JARID2: variants seen among roughly 807,000 people sequenced by gnomAD.
The protein encoded by JARID2 is jumonji and AT-rich interaction domain containing 2, also known as protein Jumonji.
In JARID2, 21 loss-of-function variants were observed where a neutral mutation model predicts 125.6. That is an observed-to-expected ratio of 0.17 (90% confidence interval 0.12 to 0.24). The LOEUF (loss-of-function observed/expected upper bound fraction) is 0.24, where lower values mean the gene tolerates loss of function less well. Among genes scored for constraint, JARID2 ranks in the 10% least tolerant of loss-of-function variants. The probability of loss-of-function intolerance (pLI) is 1.00; values close to 1 mark genes in which losing one functional copy is unlikely to be tolerated. For synonymous variants in JARID2, 736 were observed against 661.6 expected, an observed-to-expected ratio of 1.11 and a Z score of -1.73; for missense variants, 1,303 against 1,639.6, an observed-to-expected ratio of 0.79 and a Z score of 3.55.
chr6:15,490,547 C>T (rs1770101445), intron 6 of JARID2, among the ~76,000 whole-genome samples: 1 of 152,174 alleles, frequency 6.6e-6, no homozygotes, highest in South Asian at 2.1e-4. Flanking sequence ...AGGGCTCTGG[C>T]CCCGGCCGTT....
chr6:15,384,371 ATT>A lies in JARID2; in HGVS notation c.181+10135_181+10136del, dbSNP rs370485500. Among the ~76,000 whole-genome samples the A allele has an allele frequency of 3.6e-4, 49 of 135,352 alleles. 1 individual carries two copies. Among genetic ancestry groups the A allele is most frequent in the South Asian group, 1.2e-3 (5 of 4,258 alleles). 88.8% of individuals were successfully genotyped at this position (135,352 alleles called of 152,430 possible). A position where few individuals can be genotyped will look rare whatever the true frequency, so the allele number is the denominator to read the frequency against. On this transcript the variant is annotated intron_variant, in intron 2 of 17. Coordinates refer to ENST00000341776, the MANE Select transcript of JARID2 (RefSeq NM_004973.4). ...AAGCCACTGTGCCTGGCCCACTTTGATTTTTTTTTTTTTTTTTGGATAGGCCT... is the reference window on the plus strand; with the variant it reads ...AAGCCACTGTGCCTGGCCCACTTTGATTTTTTTTTTTTTTTGGATAGGCCT...
chr6:15,431,768 G>T (rs1561858809), intron 3 of JARID2, among the ~76,000 whole-genome samples: 1 of 152,088 alleles, frequency 6.6e-6, no homozygotes, highest in African/African-American at 2.4e-5. Flanking sequence ...TTCCAGAGAG[G>T]TTCTGTCTCC....
intron 1 of JARID2, among the ~76,000 whole-genome samples, chr6:15,257,705 C>G (rs1450223129): frequency 1.3e-5 from 2 of 152,160 alleles, no homozygotes; most frequent in South Asian, 2.1e-4. Flanking sequence ...AGAGGCTATA[C>G]TAATTTACAG....
chr6:15,483,770 A>G (rs1769735522), intron 5 of JARID2, among the ~76,000 whole-genome samples: 1 of 152,146 alleles, frequency 6.6e-6, no homozygotes. Context: ...ACATTCCTGG[A>G]AATGGAATTG....
At chr6:15,265,658 C>T (rs1348153750) in intron 1 of JARID2, among the ~76,000 whole-genome samples, 1 of 152,112 alleles carries the variant, frequency 6.6e-6, no homozygotes, top group East Asian at 1.9e-4. Flanking sequence ...ACTTTCCAGG[C>T]AATTAAGGAG....
chr6:15,347,785 A>G (rs1445726225), intron 1 of JARID2, among the ~76,000 whole-genome samples: 2 of 151,436 alleles, frequency 1.3e-5, no homozygotes, highest in Non-Finnish European at 2.9e-5. Flanking sequence ...TGGCGCTATC[A>G]TGGCTCACAA....
intron 5 of JARID2, among the ~76,000 whole-genome samples, chr6:15,474,377 A>T (rs1195738926): frequency 6.6e-6 from 1 of 151,754 alleles, no homozygotes; most frequent in Non-Finnish European, 1.5e-5. Context: ...CTCAATATGC[A>T]TATTTGTTGT....
At chr6:15,358,451 G>A (rs747640985) in intron 1 of JARID2, among the ~76,000 whole-genome samples, 3 of 152,152 alleles carry the variant, frequency 2.0e-5, no homozygotes, top group Admixed American at 6.5e-5. Flanking sequence ...GTTGTTGGTG[G>A]ATTAGGACTG....
At chr6:15,469,576 GCCCC>G (rs1247327306) in intron 5 of JARID2, among the ~76,000 whole-genome samples, 1 of 150,258 alleles carries the variant, frequency 6.7e-6, no homozygotes, top group East Asian at 2.0e-4. Context: ...GGGACTACAG[GCCCC>G]CACGTATTAC....
chr6:15,494,477 C>T (rs1409325855), intron 6 of JARID2, among the ~76,000 whole-genome samples: 3 of 129,952 alleles, frequency 2.3e-5, no homozygotes, highest in East Asian at 2.5e-4. Context: ...GGCATGATCT[C>T]GGTTCACTGC....
chr6:15,484,548 C>T (rs1008074080), intron 5 of JARID2, among the ~76,000 whole-genome samples: 4 of 152,142 alleles, frequency 2.6e-5, no homozygotes, highest in African/African-American at 9.7e-5. Flanking sequence ...ATAGTGTCTC[C>T]CAAATACTGT....
intron 3 of JARID2, among the ~76,000 whole-genome samples, chr6:15,423,056 G>A (rs1766571375): frequency 6.7e-6 from 1 of 149,996 alleles, no homozygotes; most frequent in Non-Finnish European, 1.5e-5. Context: ...CTGGAGTGCA[G>A]TGTTACGATA....
intron 4 of JARID2, among the ~76,000 whole-genome samples, chr6:15,467,103 T>G (rs922388726): frequency 1.3e-5 from 2 of 152,228 alleles, no homozygotes; most frequent in Non-Finnish European, 2.9e-5. Context: ...AAGATGCCTG[T>G]AGGAAAAGGA....
In JARID2 at chr6:15,410,199, G is replaced by A. The variant is rs1160279870; in HGVS notation, c.182-25G>A. The A allele has an allele frequency of 1.9e-6, 3 of 1,609,466 alleles. No homozygotes were observed. In the East Asian group the frequency reaches 6.7e-5, roughly 36 times the overall value. The stretch of plus-strand genomic sequence containing the variant: ...GCCTCCTGATGTGATGTATTTAAGT[G>A]TTTGTCCCCTTTTCTCACCTGTAGG... On this transcript the variant is annotated intron_variant, in intron 2 of 17. Coordinates refer to ENST00000341776, the MANE Select transcript of JARID2 (RefSeq NM_004973.4).
At chr6:15,405,289 G>A (rs535158383) in intron 2 of JARID2, among the ~76,000 whole-genome samples, 2 of 152,294 alleles carry the variant, frequency 1.3e-5, no homozygotes, top group African/African-American at 4.8e-5. Context: ...TGGGAGATGC[G>A]GTGAAAAGCT....
chr6:15,512,111 T>G (rs1000815895), intron 13 of JARID2, 97 bp from the exon 14 acceptor site: 26 of 987,020 alleles, frequency 2.6e-5, no homozygotes, highest in African/African-American at 4.9e-5. Flanking sequence ...CTTATCTCCT[T>G]GAGAGCAGGC....
In JARID2 at chr6:15,393,909, C is replaced by CA. The variant is rs531086824; in HGVS notation, c.182-16308dup. Among the ~76,000 whole-genome samples the CA allele has an allele frequency of 5.3e-5, 8 of 151,818 alleles. No homozygotes were observed. In the South Asian group the frequency reaches 1.2e-3, roughly 24 times the overall value. ...TACAGAAACAAAATCAGCCTCCAAA[C>CA]AAAAAAACAAAAACTGTAAAATTGT... On this transcript the variant is annotated intron_variant, in intron 2 of 17. Transcript: ENST00000341776.
At chr6:15,474,460 C>CT (rs59060966) in intron 5 of JARID2, among the ~76,000 whole-genome samples, 235 of 143,800 alleles carry the variant, frequency 1.6e-3, no homozygotes, top group Middle Eastern at 3.7e-3. Flanking sequence ...AGTTGCATGC[C>CT]TTTTTTTTTT....
At chr6:15,474,151 C>T (rs778000580) in intron 5 of JARID2, among the ~76,000 whole-genome samples, 2 of 152,206 alleles carry the variant, frequency 1.3e-5, no homozygotes. Context: ...ATCCCTCAGG[C>T]AAGAGGTGCT....
Sources: gnomAD v4.1 joint callset for allele counts (sites outside exome capture counted in the v4.1 genomes callset) on GRCh38, gnomAD v4.1.1 for gene constraint, MANE v1.5 for transcripts, NCBI Gene and HGNC (gene_info 2026-07-23, HGNC 2026-07-21) for gene names.